The following CTNNAL1 variants were observed in gnomAD, a reference collection of about 807,000 sequenced individuals.
CTNNAL1 encodes the protein alpha-catulin.
Under a neutral mutation model 93.6 loss-of-function variants are expected in CTNNAL1, and 69 were observed. That is an observed-to-expected ratio of 0.74 (90% confidence interval 0.61 to 0.90). The LOEUF (loss-of-function observed/expected upper bound fraction) is 0.90, where lower values mean the gene tolerates loss of function less well. Ranked by LOEUF, CTNNAL1 falls within the 40% of genes least tolerant of loss-of-function variation. The pLI is 0.00. For missense variants in CTNNAL1, 836 were observed against 862.0 expected, an observed-to-expected ratio of 0.97 and a Z score of 0.38; for synonymous variants, 286 against 305.4, an observed-to-expected ratio of 0.94 and a Z score of 0.66.
In CTNNAL1 at chr9:108,979,397, T is replaced by A; in HGVS notation, c.985A>T (p.Met329Leu). The A allele has an allele frequency of 6.2e-7, 1 of 1,614,198 alleles. No individual in the cohort carries two copies. The highest frequency in any genetic ancestry group is 8.5e-7 in the Non-Finnish European group (1 of 1,180,014). Reference protein sequence around the residue: ...SVTLEVILERMEDFTDSAYTS... With the variant: ...SVTLEVILERLEDFTDSAYTS... Reference sequence around the variant, plus strand: ...TAGGCAGAATCAGTAAAGTCCTCCATACGCTCCAAGATGACTTCCAATGTC... The same window carrying A: ...TAGGCAGAATCAGTAAAGTCCTCCAAACGCTCCAAGATGACTTCCAATGTC... The change falls in exon 7 of 19, where the codon ATG becomes TTG. Residue 329 changes from methionine to leucine, a missense_variant. Coordinates refer to ENST00000325551, the MANE Select transcript of CTNNAL1 (RefSeq NM_003798.4).
Position 108,972,659 on chromosome 9 carries a change from C to T in CTNNAL1, c.1347+16G>A. ...CATTATTAAACTACAATTTCTTTAG[C>T]ACCTTGTTTACTCACCTCAACAAGC... On this transcript the variant is annotated intron_variant, in intron 9 of 18. Transcript: ENST00000325551. 1.9e-6 allele frequency: 3 copies of T among 1,596,698 alleles called. No homozygotes were observed. The highest frequency in any genetic ancestry group is 2.6e-6 in the Non-Finnish European group (3 of 1,172,816).
chr9:108,997,571 G>A (rs1034375264), intron 2 of CTNNAL1, among the ~76,000 whole-genome samples: 1 of 152,144 alleles, frequency 6.6e-6, no homozygotes, highest in East Asian at 1.9e-4. Context: ...ATACAGGACC[G>A]TGTATGATCT....
intron 1 of CTNNAL1, among the ~76,000 whole-genome samples, chr9:109,007,531 T>C (rs1432950534): frequency 1.3e-5 from 2 of 152,152 alleles, no homozygotes; most frequent in African/African-American, 4.8e-5. Context: ...CCTTCTTCCC[T>C]TCCTTGGATA....
chr9:108,975,798 A>C (rs1433132576), intron 8 of CTNNAL1, among the ~76,000 whole-genome samples: 1 of 152,042 alleles, frequency 6.6e-6, no homozygotes, highest in Non-Finnish European at 1.5e-5. Context: ...AACAGTAGAC[A>C]GTAGGTCCAC....
intron 12 of CTNNAL1, among the ~76,000 whole-genome samples, chr9:108,953,360 G>A (rs1830612835): frequency 1.3e-5 from 2 of 152,214 alleles, no homozygotes; most frequent in African/African-American, 2.4e-5. Context: ...GAGATCTGGT[G>A]AAAGCTCCCA....
At chr9:108,968,563 C>T (rs1175432865) in intron 10 of CTNNAL1, among the ~76,000 whole-genome samples, 4 of 152,352 alleles carry the variant, frequency 2.6e-5, no homozygotes, top group Non-Finnish European at 5.9e-5. Context: ...AGAAAAGTGA[C>T]TCCCATGCCA....
At chr9:108,987,719 T>C (rs1449394206) in intron 4 of CTNNAL1, among the ~76,000 whole-genome samples, 1 of 152,254 alleles carries the variant, frequency 6.6e-6, no homozygotes, top group Non-Finnish European at 1.5e-5. Context: ...CAGTGGTTTG[T>C]AGTTCTCCTT....
chr9:108,982,836 G>T (rs1452148446), intron 6 of CTNNAL1, among the ~76,000 whole-genome samples: 1 of 152,234 alleles, frequency 6.6e-6, no homozygotes, highest in Non-Finnish European at 1.5e-5. Context: ...CCAGCACTTT[G>T]GGAGGCCCAG....
At chr9:109,004,289 C>A (rs1167548321) in intron 1 of CTNNAL1, among the ~76,000 whole-genome samples, 2 of 152,132 alleles carry the variant, frequency 1.3e-5, no homozygotes, top group Non-Finnish European at 2.9e-5. Flanking sequence ...TAATGTCGTA[C>A]AACAATCCAG....
intron 2 of CTNNAL1, 100 bp from the exon 3 acceptor site, chr9:108,992,919 G>T: frequency 7.9e-7 from 1 of 1,273,202 alleles, no homozygotes; most frequent in Non-Finnish European, 1.1e-6. Context: ...GAGAAACTCA[G>T]CTTTGGAGTC....
intron 8 of CTNNAL1, among the ~76,000 whole-genome samples, chr9:108,974,570 A>T (rs1831206409): frequency 6.6e-6 from 1 of 152,238 alleles, no homozygotes; most frequent in African/African-American, 2.4e-5. Context: ...ATGATGGCTT[A>T]CACCTGTAAT....
At chr9:108,986,741 C>G (rs1176657209) in intron 4 of CTNNAL1, among the ~76,000 whole-genome samples, 1 of 152,150 alleles carries the variant, frequency 6.6e-6, no homozygotes, top group South Asian at 2.1e-4. Flanking sequence ...GAGATGGTAT[C>G]TCATTGTGGT....
chr9:108,968,248 C>G (rs36033465), intron 10 of CTNNAL1, among the ~76,000 whole-genome samples: 1 of 152,300 alleles, frequency 6.6e-6, no homozygotes, highest in African/African-American at 2.4e-5. Context: ...TAAATTATCC[C>G]AGAGGCATGC....
rs774542585 is a variant in CTNNAL1 at position 108,976,985 on chromosome 9, T to C, written c.1165A>G (p.Ser389Gly). 4.5e-5 allele frequency: 68 copies of C among 1,504,282 alleles called. No homozygotes were observed. The highest frequency in any genetic ancestry group is 5.4e-5 in the Non-Finnish European group (61 of 1,121,682). 93.2% of individuals were successfully genotyped at this position (1,504,282 alleles called of 1,614,324 possible). The change falls in exon 8 of 19, where the codon AGT (serine) becomes GGT (glycine). Residue 389 changes from serine to glycine, a missense_variant. By Grantham distance (56) the Ser-to-Gly change is moderately conservative. Coordinates refer to ENST00000325551, the MANE Select transcript of CTNNAL1 (RefSeq NM_003798.4). ...ACTTCTTTCTTAAGTTCATTAAGAC[T>C]GTGACTGATTTTCAAAATACTGAGT... The part of the protein sequence containing the change: ...LELSILKISH[S>G]LNELKKELHS...
intron 8 of CTNNAL1, among the ~76,000 whole-genome samples, chr9:108,976,592 G>A (rs898970901): frequency 4.6e-5 from 7 of 151,796 alleles, no homozygotes; most frequent in African/African-American, 7.2e-5. Flanking sequence ...GTGCAGTAGC[G>A]CGATCATGGC....
intron 1 of CTNNAL1, 89 bp downstream of exon 1, chr9:109,013,213 G>T (rs1019530722): frequency 2.2e-6 from 3 of 1,358,774 alleles, no homozygotes; most frequent in African/African-American, 3.1e-5. Context: ...TGGGGCAGCG[G>T]CTGCCTCCCG....
chr9:108,972,868 G>GGGCCCCCCCCCGGGT, intron 8 of CTNNAL1, 35 bp from the exon 9 acceptor site: 1 of 1,092,790 alleles, frequency 9.2e-7, no homozygotes, highest in Non-Finnish European at 1.2e-6. Flanking sequence ...GGGTGGGAGG[G>GGGCCCCCCCCCGGGT]TGGAGAAGGA....
chr9:108,983,713 T>C (rs1186890159), intron 5 of CTNNAL1, among the ~76,000 whole-genome samples: 13 of 152,182 alleles, frequency 8.5e-5, no homozygotes, highest in Admixed American at 7.9e-4. Context: ...AATGAAAAAC[T>C]CAAGGGCCTA....
At chr9:108,989,824 C>A (rs560639690) in intron 4 of CTNNAL1, among the ~76,000 whole-genome samples, 3 of 151,856 alleles carry the variant, frequency 2.0e-5, no homozygotes, top group Non-Finnish European at 4.4e-5. Context: ...CTGAGGCGGG[C>A]GGATCACCTG....
Sources: gnomAD v4.1 joint callset for allele counts (sites outside exome capture counted in the v4.1 genomes callset) on GRCh38, gnomAD v4.1.1 for gene constraint, MANE v1.5 for transcripts, NCBI Gene and HGNC (gene_info 2026-07-23, HGNC 2026-07-21) for gene names.